GRIA4: variants seen among roughly 807,000 people sequenced by gnomAD.
GRIA4 encodes the protein glutamate ionotropic receptor AMPA type subunit 4, also known as glutamate receptor 4.
GRIA4 carries 34 observed loss-of-function variants against 104.0 expected under a neutral mutation model. The observed-to-expected ratio is 0.33, with a 90% CI of 0.25 to 0.44. The LOEUF is 0.44. Among genes scored for constraint, GRIA4 ranks in the 20% least tolerant of loss-of-function variants. The pLI is 1.00. For missense variants in GRIA4, 750 were observed against 1,096.5 expected (o/e 0.68, Z 4.46); for synonymous variants, 386 against 381.9 (o/e 1.01, Z -0.13).
Position 105,745,899 on chromosome 11 carries a change from C to A in GRIA4, c.248-7082C>A, listed in dbSNP as rs574811800. 6.6e-5 allele frequency among the ~76,000 whole-genome samples: 10 copies of A among 152,214 alleles called. No homozygotes were observed. In the South Asian group the frequency reaches 2.1e-3, roughly 32 times the overall value. On this transcript the variant is annotated intron_variant, in intron 3 of 16. Transcript: ENST00000282499. ...GCCTCCTCTATTTTAGCTTGCCTGC[C>A]TCTCCTCAATGTTCTGCTGAGTATT...
chr11:105,836,908 C>G (rs1336501945), intron 4 of GRIA4, among the ~76,000 whole-genome samples: 1 of 151,974 alleles, frequency 6.6e-6, no homozygotes, highest in Non-Finnish European at 1.5e-5. Context: ...TAGTCTTGAC[C>G]TAGCAGCATG....
intron 4 of GRIA4, among the ~76,000 whole-genome samples, chr11:105,789,511 A>G (rs1331576997): frequency 1.3e-5 from 2 of 152,148 alleles, no homozygotes; most frequent in Admixed American, 6.5e-5. Context: ...GAGACAGGTC[A>G]TGTATGTCCT....
intron 16 of GRIA4, among the ~76,000 whole-genome samples, chr11:105,975,614 T>G (rs669793): frequency 0.56 from 85,569 of 151,786 alleles, 24,133 homozygotes; most frequent in Middle Eastern, 0.62. Flanking sequence ...AATAGCTAAG[T>G]GAATAGGCTG....
chr11:105,875,908 TCTC>T, intron 5 of GRIA4, among the ~76,000 whole-genome samples: 1 of 152,274 alleles, frequency 6.6e-6, no homozygotes, highest in Admixed American at 6.5e-5. Flanking sequence ...TGTGTCTCTG[TCTC>T]CTTCAGTTCT....
At chr11:105,881,532 G>C (rs575585046) in intron 5 of GRIA4, among the ~76,000 whole-genome samples, 1 of 152,272 alleles carries the variant, frequency 6.6e-6, no homozygotes, top group South Asian at 2.1e-4. Context: ...CTGAAAGTCA[G>C]TCAGACTTTG....
intron 4 of GRIA4, chr11:105,797,971 A>C (rs565666226): frequency 1.7e-5 from 6 of 362,466 alleles, no homozygotes; most frequent in Admixed American, 1.3e-4. Flanking sequence ...GTATTCATTT[A>C]TTGAGCAAAT....
intron 3 of GRIA4, among the ~76,000 whole-genome samples, chr11:105,683,323 T>C (rs1359519704): frequency 6.6e-6 from 1 of 151,730 alleles, no homozygotes; most frequent in Admixed American, 6.6e-5. Context: ...ATTTTCTCTG[T>C]TTATATGCAG....
chr11:105,943,904 A>T (rs536199659), intron 14 of GRIA4, among the ~76,000 whole-genome samples: 2 of 152,104 alleles, frequency 1.3e-5, no homozygotes, highest in Non-Finnish European at 2.9e-5. Flanking sequence ...AGGAATTTAT[A>T]ATGTTTCATA....
intron 4 of GRIA4, among the ~76,000 whole-genome samples, chr11:105,762,856 A>G (rs150456074): frequency 1.6e-4 from 24 of 152,318 alleles, no homozygotes; most frequent in Middle Eastern, 3.4e-3. Context: ...TAAATTACCC[A>G]GTCTGGGATA....
chr11:105,695,486 G>C (rs1035573272), intron 3 of GRIA4, among the ~76,000 whole-genome samples: 16 of 124,842 alleles, frequency 1.3e-4, no homozygotes, highest in Non-Finnish European at 1.1e-4. Flanking sequence ...GTCTGTGTGT[G>C]TGTGTGTGTG....
intron 3 of GRIA4, among the ~76,000 whole-genome samples, chr11:105,713,137 A>G (rs987691451): frequency 6.6e-6 from 1 of 152,100 alleles, no homozygotes; most frequent in Non-Finnish European, 1.5e-5. Flanking sequence ...AATTCCAGCA[A>G]TTTGAGAGGG....
At chr11:105,964,676 T>G (rs1948816609) in intron 14 of GRIA4, among the ~76,000 whole-genome samples, 1 of 152,216 alleles carries the variant, frequency 6.6e-6, no homozygotes, top group African/African-American at 2.4e-5. Flanking sequence ...AACAGAAATT[T>G]TATTAAATGA....
At chr11:105,784,355 A>G (rs11226849) in intron 4 of GRIA4, among the ~76,000 whole-genome samples, 68,216 of 152,086 alleles carry the variant, frequency 0.45, 15,827 homozygotes, top group Middle Eastern at 0.52. Context: ...ATCCCTCATC[A>G]TTTCTGTAAT....
chr11:105,897,097 G>C (rs1946676389), intron 6 of GRIA4, among the ~76,000 whole-genome samples: 1 of 151,982 alleles, frequency 6.6e-6, no homozygotes, highest in Non-Finnish European at 1.5e-5. Flanking sequence ...ATCAGTGTTT[G>C]GTAGTTTTCC....
At chr11:105,619,456 A>T (rs1422740117) in intron 3 of GRIA4, among the ~76,000 whole-genome samples, 3 of 152,028 alleles carry the variant, frequency 2.0e-5, no homozygotes, top group Non-Finnish European at 4.4e-5. Context: ...TATATTTTTA[A>T]AAGGCATTTT....
At chr11:105,960,756 T>A (rs896308536) in intron 14 of GRIA4, among the ~76,000 whole-genome samples, 4 of 152,190 alleles carry the variant, frequency 2.6e-5, no homozygotes, top group Non-Finnish European at 5.9e-5. Flanking sequence ...CCCAGTGGCG[T>A]GGGTTCGCGA....
chr11:105,633,215 A>G (rs890495811), intron 3 of GRIA4, among the ~76,000 whole-genome samples: 2 of 152,352 alleles, frequency 1.3e-5, no homozygotes, highest in South Asian at 2.1e-4. Context: ...CTGTTTGAAA[A>G]TGAACTTAAA....
chr11:105,792,429 C>A (rs369497716), intron 4 of GRIA4, among the ~76,000 whole-genome samples: 1 of 152,032 alleles, frequency 6.6e-6, no homozygotes, highest in South Asian at 2.1e-4. Flanking sequence ...AATCCTCACA[C>A]CTTATAATTA....
intron 3 of GRIA4, among the ~76,000 whole-genome samples, chr11:105,658,401 G>A (rs186982958): frequency 5.6e-4 from 85 of 151,790 alleles, no homozygotes; most frequent in African/African-American, 2.0e-3. Context: ...TTTAAACAGA[G>A]TATTTCAAAT....
Sources: allele counts gnomAD v4.1 joint callset (sites outside exome capture counted in the v4.1 genomes callset), GRCh38; gene constraint gnomAD v4.1.1; transcripts MANE v1.5; gene names NCBI Gene and HGNC (gene_info 2026-07-23, HGNC 2026-07-21).